The following SLC6A3 variants were observed in gnomAD, a reference collection of about 807,000 sequenced individuals.
The protein encoded by SLC6A3 is solute carrier family 6 member 3.
A neutral mutation model predicts 70.4 loss-of-function variants in SLC6A3; 19 were observed. The observed-to-expected ratio is 0.27, with a 90% CI of 0.19 to 0.40. The LOEUF is 0.40. Among genes scored for constraint, SLC6A3 ranks in the 10% least tolerant of loss-of-function variants. The probability of loss-of-function intolerance (pLI) is 1.00; values close to 1 mark genes in which losing one functional copy is unlikely to be tolerated. For synonymous variants in SLC6A3, 368 were observed against 356.6 expected (o/e 1.03, Z -0.36); for missense variants, 613 against 838.5 (o/e 0.73, Z 3.32).
intron 3 of SLC6A3, among the ~76,000 whole-genome samples, chr5:1,441,144 T>G (rs956924919): frequency 2.6e-5 from 4 of 152,236 alleles, no homozygotes; most frequent in Non-Finnish European, 5.9e-5. Flanking sequence ...ACAAATGAAT[T>G]GCAGGACCCT....
chr5:1,411,131 T>G lies in SLC6A3; in HGVS notation c.1269+112A>C. On this transcript the variant is annotated intron_variant, in intron 9 of 14. Coordinates refer to ENST00000270349, the MANE Select transcript of SLC6A3 (RefSeq NM_001044.5). The surrounding 1 kb of genome is among the most constrained non-coding windows in gnomAD (Gnocchi z 6.5). The stretch of plus-strand genomic sequence containing the variant: ...TCGCCCAAGTCAAGGACAGGAGGTC[T>G]GGGGGCCGTACGTGAGCCCAGGGAT... The G allele has an allele frequency of 1.3e-6, 1 of 759,640 alleles. No individual in the cohort carries two copies. Among genetic ancestry groups the G allele is most frequent in the Non-Finnish European group, 2.3e-6 (1 of 434,788 alleles). The allele number at this position is 759,640 out of a possible 1,614,324, so 47.1% of individuals were successfully genotyped here. A position where few individuals can be genotyped will look rare whatever the true frequency, so the allele number is the denominator to read the frequency against.
rs1755751257 is a variant in SLC6A3 at position 1,397,593 on chromosome 5, C to T, written c.1840-2835G>A. Among the ~76,000 whole-genome samples, 1 of 152,186 alleles carries T rather than the reference C, an allele frequency of 6.6e-6. No individual in the cohort carries two copies. The highest frequency in any genetic ancestry group is 1.5e-5 in the Non-Finnish European group (1 of 68,050). On this transcript the variant is annotated intron_variant, in intron 14 of 14. Coordinates refer to ENST00000270349, the MANE Select transcript of SLC6A3 (RefSeq NM_001044.5). This position sits in a 1 kb window ranked among gnomAD's most constrained non-coding sequence, Gnocchi z 4.7. ...CACAGGCCACACATCTCAGCACAGC[C>T]ACGGAACACTGCTGCCTCCAAAACG...
Position 1,394,610 on chromosome 5 carries a change from T to G in SLC6A3, c.*125A>C. ...GAGAGGAGTCTTCTGCTTTGTTGTTTGTGTTTTCAGTAGAGGTTGAAGAGT... is the reference window on the plus strand; with the variant it reads ...GAGAGGAGTCTTCTGCTTTGTTGTTGGTGTTTTCAGTAGAGGTTGAAGAGT... On this transcript the variant is annotated 3_prime_UTR_variant, in exon 15 of 15. Transcript: ENST00000270349. The surrounding 1 kb of genome is among the most constrained non-coding windows in gnomAD (Gnocchi z 4.7). 1 of 945,194 alleles carries G rather than the reference T, an allele frequency of 1.1e-6. No individual in the cohort carries two copies. Among genetic ancestry groups the G allele is most frequent in the South Asian group, 1.3e-5 (1 of 76,948 alleles). 58.6% of individuals were successfully genotyped at this position (945,194 alleles called of 1,614,324 possible). A position where few individuals can be genotyped will look rare whatever the true frequency, so the allele number is the denominator to read the frequency against.
chr5:1,409,957 G>T (rs1266327869), intron 9 of SLC6A3, 108 bp from the exon 10 acceptor site: 5 of 1,425,384 alleles, frequency 3.5e-6, no homozygotes, highest in South Asian at 3.5e-5. Context: ...GATGGACACG[G>T]AACAGGGGCC....
Position 1,394,858 on chromosome 5 carries a change from T to G in SLC6A3, c.1840-100A>C. 1 of 1,324,586 alleles carries G rather than the reference T, an allele frequency of 7.5e-7. No homozygotes were observed. The highest frequency in any genetic ancestry group is 1.1e-6 in the Non-Finnish European group (1 of 919,364). The allele number at this position is 1,324,586 out of a possible 1,614,324, so 82.1% of individuals were successfully genotyped here. A position where few individuals can be genotyped will look rare whatever the true frequency, so the allele number is the denominator to read the frequency against. On this transcript the variant is annotated intron_variant, in intron 14 of 14. Coordinates refer to ENST00000270349, the MANE Select transcript of SLC6A3 (RefSeq NM_001044.5). The surrounding 1 kb of genome is among the most constrained non-coding windows in gnomAD (Gnocchi z 4.7). ...CAGCTGAAGGCAGTGAGCAGACAGT[T>G]TGCAGCCTCCTGGCCATGTGCCCTG...
At chr5:1,444,951 G>T (rs1330628513) in intron 1 of SLC6A3, among the ~76,000 whole-genome samples, 1 of 152,048 alleles carries the variant, frequency 6.6e-6, no homozygotes, top group South Asian at 2.1e-4. Context: ...ATGGAGCGGC[G>T]GTGTACAAAA....
At position 1,437,466 on chromosome 5, in the gene SLC6A3, G is replaced by A. The variant is rs1472755293; in HGVS notation, c.418+3893C>T. ...GGGAGAGAGACAGAAAGAGACACAG[G>A]GAGAGGGAAAGAGAGCGAGGGGAAG... On this transcript the variant is annotated intron_variant, in intron 3 of 14. Coordinates refer to ENST00000270349, the MANE Select transcript of SLC6A3 (RefSeq NM_001044.5). This position sits in a 1 kb window ranked among gnomAD's most constrained non-coding sequence, Gnocchi z 4.8. Among the ~76,000 whole-genome samples the A allele has an allele frequency of 8.5e-5, 13 of 152,084 alleles. No homozygotes were observed. The highest frequency in any genetic ancestry group is 4.4e-5 in the Non-Finnish European group (3 of 68,014).
rs1755940557 is a variant in SLC6A3, at chr5:1,405,107, A to G, written c.1599+1081T>C. On this transcript the variant is annotated intron_variant, in intron 12 of 14. Transcript: ENST00000270349. The surrounding 1 kb of genome is among the most constrained non-coding windows in gnomAD (Gnocchi z 5.3). The stretch of plus-strand genomic sequence containing the variant: ...AAAAGCCCGCCCCATGAATCCAGGA[A>G]CCTTCAACGGGAGCCTTCACAAGCG... Among the ~76,000 whole-genome samples the G allele has an allele frequency of 6.6e-6, 1 of 152,124 alleles. No individual in the cohort carries two copies. Among genetic ancestry groups the G allele is most frequent in the African/African-American group, 2.4e-5 (1 of 41,422 alleles).
chr5:1,400,761 C>T (rs1358072832), intron 14 of SLC6A3, among the ~76,000 whole-genome samples, 154 bp downstream of exon 14: 1 of 152,216 alleles, frequency 6.6e-6, no homozygotes, highest in Non-Finnish European at 1.5e-5. Context: ...CTGTCACCTG[C>T]CACCACTGGC....
intron 8 of SLC6A3, among the ~76,000 whole-genome samples, chr5:1,412,404 C>T (rs1220285587): frequency 1.3e-5 from 2 of 152,210 alleles, no homozygotes; most frequent in Admixed American, 6.5e-5. Flanking sequence ...GACAAACCTG[C>T]TACCTTGCTA....
chr5:1,403,042 T>A lies in SLC6A3; in HGVS notation c.1647A>T (p.Gly549=). The change falls in exon 13 of 15, where the codon GGA becomes GGT. Residue 549 remains glycine (G), a synonymous_variant. Transcript: ENST00000270349. The part of the protein sequence containing the change: ...SIVTFRPPHY[G]AYIFPDWANA... ...TGGCCCAGTCGGGGAAGATGTAGGC[T>A]CCGTAGTGGGGGGGTCTGAAGGTCA... 6.2e-7 allele frequency: 1 copy of A among 1,613,924 alleles called. No individual in the cohort carries two copies. Among genetic ancestry groups the A allele is most frequent in the Non-Finnish European group, 8.5e-7 (1 of 1,179,996 alleles).
rs1206493092 is a variant in SLC6A3 at position 1,402,032 on chromosome 5, G to A, written c.1767+890C>T. ...AGGCTGCTGGAGAGACTGGCTCAGT[G>A]CCAGCCTGAGAGCATCTGCCACATG... is the stretch of plus-strand genomic sequence containing the variant. On this transcript the variant is annotated intron_variant, in intron 13 of 14. Transcript: ENST00000270349. This position sits in a 1 kb window ranked among gnomAD's most constrained non-coding sequence, Gnocchi z 8.5. Among the ~76,000 whole-genome samples the A allele has an allele frequency of 6.6e-6, 1 of 152,196 alleles. No homozygotes were observed. The highest frequency in any genetic ancestry group is 1.5e-5 in the Non-Finnish European group (1 of 68,042).
intron 4 of SLC6A3, among the ~76,000 whole-genome samples, chr5:1,423,204 A>G (rs1339756019): frequency 1.8e-5 from 1 of 55,228 alleles, no homozygotes; most frequent in Non-Finnish European, 3.1e-5. Context: ...AGTGCTGCCC[A>G]TGGTGCTGGG....
chr5:1,397,108 G>A lies in SLC6A3; in HGVS notation c.1840-2350C>T, dbSNP rs1268369041. Among the ~76,000 whole-genome samples the A allele has an allele frequency of 6.6e-6, 1 of 152,178 alleles. No homozygotes were observed. The highest frequency in any genetic ancestry group is 2.1e-4 in the South Asian group (1 of 4,828). ...CAAATGAAAACAAAATCTAAGTGAGGTAAGAGACCTGGAGGACCTGGGGCA... is the reference window on the plus strand; with the variant it reads ...CAAATGAAAACAAAATCTAAGTGAGATAAGAGACCTGGAGGACCTGGGGCA... On this transcript the variant is annotated intron_variant, in intron 14 of 14. Coordinates refer to ENST00000270349, the MANE Select transcript of SLC6A3 (RefSeq NM_001044.5). The surrounding 1 kb of genome is among the most constrained non-coding windows in gnomAD (Gnocchi z 4.7).
intron 7 of SLC6A3, 36 bp from the exon 8 acceptor site, chr5:1,414,851 T>G (rs1036371043): frequency 1.2e-6 from 2 of 1,612,334 alleles, no homozygotes; most frequent in Non-Finnish European, 1.7e-6. Flanking sequence ...AGGAACCAGC[T>G]GAGCTGCAGC....
chr5:1,426,838 G>C (rs1429372511), intron 4 of SLC6A3, among the ~76,000 whole-genome samples: 1 of 152,232 alleles, frequency 6.6e-6, no homozygotes, highest in Non-Finnish European at 1.5e-5. Context: ...AGCTTTGGAG[G>C]AGGAGAAAGT....
At chr5:1,432,203 C>G (rs190477257) in intron 4 of SLC6A3, among the ~76,000 whole-genome samples, 3 of 152,152 alleles carry the variant, frequency 2.0e-5, no homozygotes, top group Non-Finnish European at 4.4e-5. Flanking sequence ...CCTGAGCTGC[C>G]GCTGGGAGCA....
In SLC6A3 at chr5:1,397,431, AAAACAAACAAAC is replaced by A. The variant is rs57510492; in HGVS notation, c.1840-2685_1840-2674del. Among the ~76,000 whole-genome samples the A allele has an allele frequency of 9.2e-5, 14 of 151,770 alleles. No individual in the cohort carries two copies. The highest frequency in any genetic ancestry group is 6.2e-4 in the South Asian group (3 of 4,824). ...GGGCTACAGAGCGAGACTCCGTCTC[AAAACAAACAAAC>A]AAACAAACAAACAAACAAAAAAGAA... On this transcript the variant is annotated intron_variant, in intron 14 of 14. Coordinates refer to ENST00000270349, the MANE Select transcript of SLC6A3 (RefSeq NM_001044.5). This position sits in a 1 kb window ranked among gnomAD's most constrained non-coding sequence, Gnocchi z 4.7.
rs1261252328 is a variant in SLC6A3, at chr5:1,397,880, C to A, written c.1839+3035G>T. ...ATGATGAGTCCGTACAAAATAATAA[C>A]AGGAACAAGAACAATGACAGTGTCT... is the stretch of plus-strand genomic sequence containing the variant. On this transcript the variant is annotated intron_variant, in intron 14 of 14. Transcript: ENST00000270349. This position sits in a 1 kb window ranked among gnomAD's most constrained non-coding sequence, Gnocchi z 4.7. 6.6e-6 allele frequency among the ~76,000 whole-genome samples: 1 copy of A among 152,110 alleles called. No homozygotes were observed. Among genetic ancestry groups the A allele is most frequent in the Non-Finnish European group, 1.5e-5 (1 of 68,012 alleles).
Sources: allele counts gnomAD v4.1 joint callset (sites outside exome capture counted in the v4.1 genomes callset), GRCh38; gene constraint gnomAD v4.1.1; non-coding constraint Gnocchi (gnomAD v3.1); transcripts MANE v1.5; gene names NCBI Gene and HGNC (gene_info 2026-07-23, HGNC 2026-07-21).